The following GTF2IRD1 variants were observed in gnomAD, a reference collection of about 807,000 sequenced individuals.
GTF2IRD1 encodes the protein general transcription factor II-I repeat domain-containing protein 1.
In GTF2IRD1, 26 loss-of-function variants were observed where a neutral mutation model predicts 113.2. The observed-to-expected ratio is 0.23, with a 90% CI of 0.17 to 0.32. GTF2IRD1 has a LOEUF of 0.32. Ranked by LOEUF, GTF2IRD1 falls within the 10% of genes least tolerant of loss-of-function variation. GTF2IRD1 has a pLI of 1.00. For missense variants in GTF2IRD1, 864 were observed against 1,280.8 expected, an observed-to-expected ratio of 0.67 and a Z score of 4.97; for synonymous variants, 484 against 529.1, an observed-to-expected ratio of 0.91 and a Z score of 1.17.
rs782283712 is a variant in GTF2IRD1 at position 74,601,079 on chromosome 7, C to T, written c.2665C>T (p.Arg889Trp). 1.7e-5 allele frequency: 27 copies of T among 1,614,020 alleles called. No homozygotes were observed. Among genetic ancestry groups the T allele is most frequent in the Admixed American group, 5.0e-5 (3 of 59,972 alleles). ...DSSIPKRKRK[R>W]VSEGNSVSSS... ...CAGCATTCCCAAGCGCAAGAGAAAG[C>T]GGGTCTCGGAAGGAAATTCCGTCTC... The change falls in exon 26 of 27, where the codon CGG (arginine) becomes TGG (tryptophan). Residue 889 changes from arginine to tryptophan, a missense_variant. Arg to Trp is a moderately radical substitution (Grantham distance 101). Transcript: ENST00000424337.
intron 1 of GTF2IRD1, among the ~76,000 whole-genome samples, chr7:74,476,797 A>T (rs569682960): frequency 6.6e-6 from 1 of 152,168 alleles, no homozygotes; most frequent in East Asian, 1.9e-4. Flanking sequence ...CCACATGAGG[A>T]GCTGATGATC....
chr7:74,493,391 A>G (rs1795475679), intron 1 of GTF2IRD1, among the ~76,000 whole-genome samples: 1 of 151,890 alleles, frequency 6.6e-6, no homozygotes, highest in Non-Finnish European at 1.5e-5. Flanking sequence ...GCTTACAGGT[A>G]TGAGCTACCG....
chr7:74,547,002 G>A, intron 16 of GTF2IRD1, 101 bp from the exon 17 acceptor site: 7 of 1,069,890 alleles, frequency 6.5e-6, no homozygotes, highest in African/African-American at 1.6e-5. Flanking sequence ...CCCTCAAAAG[G>A]GCTCTGGCAG....
chr7:74,505,279 G>GC (rs1408830649), intron 1 of GTF2IRD1, among the ~76,000 whole-genome samples: 1 of 152,168 alleles, frequency 6.6e-6, no homozygotes, highest in African/African-American at 2.4e-5. Context: ...GCAGACGTGG[G>GC]CCTGGGTCTC....
intron 8 of GTF2IRD1, among the ~76,000 whole-genome samples, chr7:74,528,869 AGATGGATGGATG>A (rs781849655): frequency 0.2 from 20,439 of 101,434 alleles, 2,005 homozygotes; most frequent in Non-Finnish European, 0.22. Flanking sequence ...ATGAATGGGC[AGATGGATGGATG>A]GATGGATGGA....
chr7:74,601,554 C>T (rs1375576473), intron 26 of GTF2IRD1: 2 of 1,183,822 alleles, frequency 1.7e-6, no homozygotes, highest in Non-Finnish European at 2.3e-6. Context: ...GGGTGGATCA[C>T]CTGAGGTCAG....
intron 1 of GTF2IRD1, among the ~76,000 whole-genome samples, chr7:74,490,899 A>G (rs1397162544): frequency 1.3e-5 from 2 of 152,054 alleles, no homozygotes; most frequent in Non-Finnish European, 2.9e-5. Flanking sequence ...TGAGTGTCCA[A>G]GGGGCTGAGG....
At chr7:74,483,665 G>A (rs1186209313) in intron 1 of GTF2IRD1, among the ~76,000 whole-genome samples, 8 of 151,898 alleles carry the variant, frequency 5.3e-5, no homozygotes, top group Non-Finnish European at 7.4e-5. Flanking sequence ...AGCCATGATC[G>A]TGCCACTGCA....
At chr7:74,468,045 G>C (rs1793832193) in intron 1 of GTF2IRD1, among the ~76,000 whole-genome samples, 1 of 152,110 alleles carries the variant, frequency 6.6e-6, no homozygotes, top group Non-Finnish European at 1.5e-5. Flanking sequence ...CTGATTACTT[G>C]ACGTTCTGCT....
intron 8 of GTF2IRD1, among the ~76,000 whole-genome samples, chr7:74,524,913 C>A (rs587724714): frequency 8.1e-4 from 124 of 152,154 alleles, no homozygotes; most frequent in African/African-American, 2.9e-3. Context: ...AACCACACAC[C>A]TGTGGTCTTA....
rs1478290362 is a variant in GTF2IRD1 at position 74,547,602 on chromosome 7, C to A, written c.1916+316C>A. 2.6e-5 allele frequency among the ~76,000 whole-genome samples: 4 copies of A among 151,788 alleles called. No homozygotes were observed. The East Asian group carries it at 7.7e-4, about 29-fold the overall frequency. On this transcript the variant is annotated intron_variant, in intron 17 of 26. Transcript: ENST00000424337. ...TACAGGTGCGCGCCACCACGCCCGG[C>A]TAATTTTTGTATTTTTAGTGGAGAC...
chr7:74,558,961 G>A lies in GTF2IRD1; in HGVS notation c.2208G>A (p.Pro736=), dbSNP rs781914679. 3.2e-5 allele frequency: 52 copies of A among 1,613,968 alleles called. No homozygotes were observed. Among genetic ancestry groups the A allele is most frequent in the Non-Finnish European group, 3.9e-5 (46 of 1,180,000 alleles). Residue 736 remains proline, a synonymous_variant, in exon 21 of 27, where the codon CCG becomes CCA. Transcript: ENST00000424337. ...VIIEGLPPGI[P]FRKPCTFGSQ... The stretch of plus-strand genomic sequence containing the variant: ...TCGAGGGGCTGCCCCCAGGAATCCC[G>A]TTCCGAAAGCCCTGTACCTTCGGCT...
At chr7:74,567,321 T>C (rs1250132910) in intron 22 of GTF2IRD1, among the ~76,000 whole-genome samples, 2 of 149,876 alleles carry the variant, frequency 1.3e-5, no homozygotes, top group Non-Finnish European at 3.0e-5. Context: ...AGCGAGACCC[T>C]GTCTCAAAAA....
At chr7:74,477,825 T>C (rs1408120848) in intron 1 of GTF2IRD1, among the ~76,000 whole-genome samples, 3 of 152,100 alleles carry the variant, frequency 2.0e-5, no homozygotes, top group Admixed American at 2.0e-4. Context: ...CCACGAGTAA[T>C]GGGCTTTTTT....
rs199551317 is a variant in GTF2IRD1 at position 74,557,703 on chromosome 7, C to T, written c.2088C>T (p.Asp696=). The change falls in exon 20 of 27, where the codon GAC becomes GAT. Residue 696 remains aspartate, a synonymous_variant. Coordinates refer to ENST00000424337, the MANE Select transcript of GTF2IRD1 (RefSeq NM_005685.4). The part of the protein sequence containing the change: ...IANTLREQVQ[D]LFNKKYGEAL... Reference sequence around the variant, plus strand: ...ACACACTAAGGGAGCAGGTCCAGGACCTTTTCAATAAGAAATACGGTAAGC... The same window carrying T: ...ACACACTAAGGGAGCAGGTCCAGGATCTTTTCAATAAGAAATACGGTAAGC... 4 of 1,609,810 alleles carry T rather than the reference C, an allele frequency of 2.5e-6. No homozygotes were observed. Among genetic ancestry groups the T allele is most frequent in the Middle Eastern group, 1.6e-4 (1 of 6,076 alleles).
chr7:74,601,030 T>C lies in GTF2IRD1; in HGVS notation c.2630-14T>C. On this transcript the variant is annotated splice_polypyrimidine_tract_variant and intron_variant, in intron 25 of 26. Coordinates refer to ENST00000424337, the MANE Select transcript of GTF2IRD1 (RefSeq NM_005685.4). ...TCAGCTTCCAGTGTCAACAGCCTTT[T>C]CCCCTCCTTCCAGCCAAAGACAGCA... 1 of 1,613,908 alleles carries C rather than the reference T, an allele frequency of 6.2e-7. No individual in the cohort carries two copies. Among genetic ancestry groups the C allele is most frequent in the African/African-American group, 1.3e-5 (1 of 74,990 alleles).
chr7:74,463,721 G>GTTT, intron 1 of GTF2IRD1, among the ~76,000 whole-genome samples: 1 of 149,696 alleles, frequency 6.7e-6, no homozygotes, highest in African/African-American at 2.5e-5. Flanking sequence ...GACCACTGTT[G>GTTT]TTTTTTGTTT....
chr7:74,591,643 G>T (rs1802070543), intron 24 of GTF2IRD1, among the ~76,000 whole-genome samples: 1 of 152,040 alleles, frequency 6.6e-6, no homozygotes, highest in Admixed American at 6.6e-5. Flanking sequence ...GCCTCCCAAA[G>T]TGCTGGGATT....
At chr7:74,479,140 C>T (rs1357773374) in intron 1 of GTF2IRD1, among the ~76,000 whole-genome samples, 4 of 152,142 alleles carry the variant, frequency 2.6e-5, no homozygotes, top group Non-Finnish European at 5.9e-5. Context: ...ACTCCTGGCT[C>T]CCCAACTCCA....
Sources: gnomAD v4.1 joint callset for allele counts (sites outside exome capture counted in the v4.1 genomes callset) on GRCh38, gnomAD v4.1.1 for gene constraint, MANE v1.5 for transcripts, NCBI Gene and HGNC (gene_info 2026-07-23, HGNC 2026-07-21) for gene names.